Variants in USP34 observed in about 807,000 individuals in gnomAD.
USP34 encodes the protein ubiquitin specific peptidase 34, also known as ubiquitin carboxyl-terminal hydrolase 34.
Under a neutral mutation model 460.3 loss-of-function variants are expected in USP34, and 70 were observed. That is an observed-to-expected ratio of 0.15 (90% CI 0.13 to 0.19). The LOEUF (loss-of-function observed/expected upper bound fraction) is 0.19. Ranked by LOEUF, USP34 falls within the 10% of genes least tolerant of loss-of-function variation. The pLI is 1.00. For synonymous variants in USP34, 1,647 were observed against 1,405.3 expected (o/e 1.17, Z -3.85); for missense variants, 3,985 against 4,236.2 (o/e 0.94, Z 1.65).
chr2:61,409,544 T>C (rs542503141), intron 2 of USP34, among the ~76,000 whole-genome samples: 201 of 152,156 alleles, frequency 1.3e-3, no homozygotes, highest in African/African-American at 4.4e-3. Context: ...TGAAACCCCA[T>C]CTCTACTAAA....
intron 10 of USP34, among the ~76,000 whole-genome samples, chr2:61,367,176 A>G (rs1366940559): frequency 6.6e-6 from 1 of 152,220 alleles, no homozygotes; most frequent in African/African-American, 2.4e-5. Context: ...TCAAATTATG[A>G]AACGTAACAT....
intron 18 of USP34, among the ~76,000 whole-genome samples, chr2:61,338,854 T>C (rs1304306522): frequency 6.6e-6 from 1 of 152,170 alleles, no homozygotes; most frequent in Non-Finnish European, 1.5e-5. Context: ...GAACTGTACA[T>C]ATCTAATATA....
intron 48 of USP34, chr2:61,250,418 A>T (rs1688544807): frequency 6.4e-6 from 1 of 156,454 alleles, no homozygotes; most frequent in African/African-American, 2.4e-5. Flanking sequence ...TAAGGAAGGT[A>T]CTGTTAGTCT....
chr2:61,383,236 A>C, intron 6 of USP34, 33 bp downstream of exon 6: 1 of 1,472,076 alleles, frequency 6.8e-7, no homozygotes, highest in Non-Finnish European at 9.4e-7. Flanking sequence ...TATTACACTG[A>C]TAATCGGGGG....
intron 8 of USP34, among the ~76,000 whole-genome samples, chr2:61,374,891 G>T (rs1692744756): frequency 6.6e-6 from 1 of 152,018 alleles, no homozygotes; most frequent in Non-Finnish European, 1.5e-5. Flanking sequence ...TAATAGAGAA[G>T]AACTAGGCAG....
Position 61,278,377 on chromosome 2 carries a change from T to G in USP34, c.5312+11A>C. Reference sequence around the variant, plus strand: ...CGACAATATAAATGTCAATTTCACATCAAATTTTACCTTCGAATACAGTCA... The same window carrying G: ...CGACAATATAAATGTCAATTTCACAGCAAATTTTACCTTCGAATACAGTCA... On this transcript the variant is annotated intron_variant, in intron 40 of 79. Coordinates refer to ENST00000398571, the MANE Select transcript of USP34 (RefSeq NM_014709.4). 1.9e-6 allele frequency: 3 copies of G among 1,609,092 alleles called. No homozygotes were observed. Among genetic ancestry groups the G allele is most frequent in the Non-Finnish European group, 2.5e-6 (3 of 1,178,056 alleles).
At chr2:61,343,620 CTTAT>C (rs1344931658) in intron 16 of USP34, among the ~76,000 whole-genome samples, 191 bp downstream of exon 16, 3 of 151,748 alleles carry the variant, frequency 2.0e-5, no homozygotes, top group African/African-American at 7.3e-5. Context: ...AACTGCAGGA[CTTAT>C]TTATATTCAT....
chr2:61,339,324 A>G (rs1375923282), intron 18 of USP34, 27 bp downstream of exon 18: 3 of 1,596,102 alleles, frequency 1.9e-6, no homozygotes, highest in Admixed American at 1.8e-5. Flanking sequence ...TGACTACTGC[A>G]TTAAAAATTT....
intron 1 of USP34, among the ~76,000 whole-genome samples, chr2:61,442,934 C>CACACACACAG (rs3220962): frequency 6.8e-5 from 10 of 146,584 alleles, no homozygotes; most frequent in South Asian, 4.5e-4. Flanking sequence ...CACACACACA[C>CACACACACAG]AGAGGAATAT....
chr2:61,189,329 G>T, intron 78 of USP34: 1 of 312,684 alleles, frequency 3.2e-6, no homozygotes, highest in Non-Finnish European at 5.8e-6. Context: ...CTGGAGTGCA[G>T]TGGTGTAATC....
At chr2:61,227,964 T>C (rs1292799663) in intron 61 of USP34, among the ~76,000 whole-genome samples, 1 of 152,244 alleles carries the variant, frequency 6.6e-6, no homozygotes, top group Admixed American at 6.5e-5. Flanking sequence ...AGATATTCAC[T>C]TGGGCTTCTA....
Position 61,347,997 on chromosome 2 carries a change from C to T in USP34, c.2158G>A (p.Glu720Lys). The T allele has an allele frequency of 6.2e-7, 1 of 1,614,126 alleles. No homozygotes were observed. The highest frequency in any genetic ancestry group is 1.7e-5 in the Admixed American group (1 of 60,012). The stretch of plus-strand genomic sequence containing the variant: ...TCCCCAGTTCGTGTGATACAAGACT[C>T]CTGAGACCCTTGTGCTATATGAGTA... ...NATHIAQGSQESCITRTGDFL... is the reference protein window; with the variant it reads ...NATHIAQGSQKSCITRTGDFL... The change falls in exon 15 of 80, where the codon GAG (glutamate) becomes AAG (lysine). Residue 720 changes from glutamate to lysine, a missense_variant. Glu to Lys is a moderately conservative substitution (Grantham distance 56, BLOSUM62 1). This residue lies in a region of USP34 where 716 missense variants were observed against 626.2 expected (regional missense o/e 1.14). Coordinates refer to ENST00000398571, the MANE Select transcript of USP34 (RefSeq NM_014709.4).
At chr2:61,420,158 G>A (rs1573023601) in intron 2 of USP34, among the ~76,000 whole-genome samples, 2 of 152,052 alleles carry the variant, frequency 1.3e-5, no homozygotes, top group South Asian at 2.1e-4. Context: ...TTTTTTAGAA[G>A]GACTAAGTTT....
intron 75 of USP34, chr2:61,194,359 C>T (rs1686732099): frequency 1.0e-6 from 1 of 958,894 alleles, no homozygotes; most frequent in South Asian, 4.8e-5. Flanking sequence ...ACATCTGTGG[C>T]TATAGGGAAG....
intron 44 of USP34, among the ~76,000 whole-genome samples, chr2:61,258,972 A>G (rs1234052973): frequency 6.6e-6 from 1 of 151,098 alleles, no homozygotes; most frequent in African/African-American, 2.5e-5. Context: ...GATAACTGAC[A>G]GACAGCTCCG....
chr2:61,260,607 C>T (rs1229323341), intron 43 of USP34, among the ~76,000 whole-genome samples: 13 of 152,130 alleles, frequency 8.5e-5, no homozygotes, highest in Non-Finnish European at 1.5e-5. Context: ...AAACAGAGAT[C>T]TGTTCAGCAT....
chr2:61,281,982 A>ATTTTG (rs777429340), intron 37 of USP34, among the ~76,000 whole-genome samples: 9 of 151,990 alleles, frequency 5.9e-5, no homozygotes, highest in Non-Finnish European at 8.8e-5. Context: ...TCCAGAACTA[A>ATTTTG]TTTTGTTTTG....
chr2:61,354,703 A>G (rs1692053268), intron 10 of USP34, among the ~76,000 whole-genome samples: 1 of 152,146 alleles, frequency 6.6e-6, no homozygotes. Flanking sequence ...AAAACCTAGA[A>G]TGTTTGAGGA....
At chr2:61,375,606 A>G (rs1046460492) in intron 8 of USP34, among the ~76,000 whole-genome samples, 1 of 151,904 alleles carries the variant, frequency 6.6e-6, no homozygotes, top group Non-Finnish European at 1.5e-5. Flanking sequence ...CGTCTCTACT[A>G]AAAATACAAA....
Sources: gnomAD v4.1 joint callset for allele counts (sites outside exome capture counted in the v4.1 genomes callset) on GRCh38, gnomAD v4.1.1 for gene constraint, gnomAD v4.1.1 regional missense constraint, MANE v1.5 for transcripts, NCBI Gene and HGNC (gene_info 2026-07-23, HGNC 2026-07-21) for gene names.